PDE11A: variants seen among roughly 807,000 people sequenced by gnomAD.
PDE11A encodes dual 3',5'-cyclic-AMP and -GMP phosphodiesterase 11A.
In PDE11A, 100 loss-of-function variants were observed where a neutral mutation model predicts 100.5. The observed-to-expected ratio is 1.00, with a 90% CI of 0.85 to 1.18. The LOEUF (loss-of-function observed/expected upper bound fraction) is 1.18. Ranked by LOEUF, PDE11A falls within the 50% of genes most tolerant of loss-of-function variation. The probability of loss-of-function intolerance (pLI) is 0.00; values close to 1 mark genes in which losing one functional copy is unlikely to be tolerated. For missense variants in PDE11A, 1,141 were observed against 1,152.6 expected (o/e 0.99, Z 0.15); for synonymous variants, 381 against 420.8 (o/e 0.91, Z 1.16).
chr2:178,014,645 C>T (rs764149660), intron 1 of PDE11A, among the ~76,000 whole-genome samples, 185 bp from the exon 2 acceptor site: 10 of 152,034 alleles, frequency 6.6e-5, no homozygotes, highest in Non-Finnish European at 1.5e-4. Flanking sequence ...TAAGTCAATG[C>T]CATAGTTGTT....
intron 13 of PDE11A, among the ~76,000 whole-genome samples, chr2:177,709,422 C>T (rs765761211): frequency 2.0e-5 from 3 of 151,914 alleles, no homozygotes; most frequent in Admixed American, 6.6e-5. Context: ...GGGTGACTGG[C>T]GCATTTTTGG....
intron 5 of PDE11A, among the ~76,000 whole-genome samples, chr2:177,873,163 C>T (rs761671381): frequency 1.3e-5 from 2 of 152,100 alleles, no homozygotes; most frequent in East Asian, 3.9e-4. Context: ...GTATTTAACT[C>T]TGAAGTGACC....
chr2:177,866,073 G>A (rs1323109275), intron 5 of PDE11A, among the ~76,000 whole-genome samples: 1 of 152,154 alleles, frequency 6.6e-6, no homozygotes, highest in African/African-American at 2.4e-5. Flanking sequence ...TAATTACGCT[G>A]CCAAGTAAGA....
intron 12 of PDE11A, chr2:177,723,424 T>C (rs1345599895): frequency 6.6e-6 from 1 of 152,192 alleles, no homozygotes; most frequent in African/African-American, 2.4e-5. Context: ...TTAACTGCAA[T>C]TCCCCACCAG....
At chr2:177,943,943 G>A (rs920361026) in intron 2 of PDE11A, among the ~76,000 whole-genome samples, 1 of 152,146 alleles carries the variant, frequency 6.6e-6, no homozygotes, top group African/African-American at 2.4e-5. Flanking sequence ...TTTGCATGTC[G>A]ATGTTCAGTT....
intron 2 of PDE11A, among the ~76,000 whole-genome samples, chr2:177,910,998 A>G (rs1345933595): frequency 1.3e-5 from 2 of 152,158 alleles, no homozygotes; most frequent in Non-Finnish European, 2.9e-5. Flanking sequence ...GAGCCACATC[A>G]CTGTCAGCTA....
chr2:177,637,540 T>C (rs1159131012), intron 19 of PDE11A, among the ~76,000 whole-genome samples: 4 of 151,848 alleles, frequency 2.6e-5, no homozygotes, highest in Non-Finnish European at 4.4e-5. Context: ...TTGTCTTTTT[T>C]CCCCCTTCTG....
intron 5 of PDE11A, among the ~76,000 whole-genome samples, chr2:177,871,240 G>A (rs906581637): frequency 5.3e-5 from 8 of 151,992 alleles, no homozygotes; most frequent in Admixed American, 4.6e-4. Context: ...GGGTACACTC[G>A]GGGTTGTTTA....
intron 2 of PDE11A, among the ~76,000 whole-genome samples, chr2:177,942,746 A>G (rs900321741): frequency 6.6e-6 from 1 of 152,216 alleles, no homozygotes; most frequent in African/African-American, 2.4e-5. Flanking sequence ...CATAAAATTT[A>G]CCATCTTAAC....
At chr2:178,076,181 T>C (rs1389995485), upstream of PDE11A, among the ~76,000 whole-genome samples, 2 of 152,304 alleles carry the variant, frequency 1.3e-5, no homozygotes, top group African/African-American at 4.8e-5. Flanking sequence ...CTCTGCAGGC[T>C]CCTTCTCCAT....
chr2:177,816,611 A>G (rs1398929453), intron 9 of PDE11A, among the ~76,000 whole-genome samples: 1 of 152,214 alleles, frequency 6.6e-6, no homozygotes, highest in Admixed American at 6.5e-5. Flanking sequence ...TAAACATAGG[A>G]CTTATATGAA....
At chr2:177,947,000 C>T (rs1287770376) in intron 2 of PDE11A, among the ~76,000 whole-genome samples, 4 of 121,582 alleles carry the variant, frequency 3.3e-5, no homozygotes, top group South Asian at 3.0e-4. Flanking sequence ...CCGCCCCGTC[C>T]GGGAAGGAGG....
At chr2:177,785,369 G>T (rs2082517280) in intron 9 of PDE11A, among the ~76,000 whole-genome samples, 1 of 141,894 alleles carries the variant, frequency 7.0e-6, no homozygotes. Context: ...AGCAAGTTAT[G>T]TTAGAATAGC....
intron 19 of PDE11A, among the ~76,000 whole-genome samples, chr2:177,638,533 T>C (rs946681927): frequency 2.2e-4 from 34 of 152,388 alleles, no homozygotes; most frequent in Middle Eastern, 3.4e-3. Flanking sequence ...TTTTTGCTTC[T>C]TTGCATGCTT....
chr2:177,818,875 C>T (rs575862825), intron 7 of PDE11A, among the ~76,000 whole-genome samples: 126 of 151,960 alleles, frequency 8.3e-4, no homozygotes, highest in African/African-American at 2.9e-3. Flanking sequence ...AAAAAACCAG[C>T]TGTAATTCTA....
intron 9 of PDE11A, among the ~76,000 whole-genome samples, chr2:177,803,863 G>T (rs537327660): frequency 6.6e-6 from 1 of 152,020 alleles, no homozygotes; most frequent in South Asian, 2.1e-4. Flanking sequence ...ATGGAGAAAA[G>T]TTGAAAGCAT....
intron 19 of PDE11A, among the ~76,000 whole-genome samples, chr2:177,647,057 C>G (rs1157461011): frequency 1.3e-5 from 2 of 152,164 alleles, no homozygotes; most frequent in Non-Finnish European, 2.9e-5. Flanking sequence ...GAAGCCACAG[C>G]CTTTGATGAA....
chr2:177,736,073 T>C (rs6433693), intron 10 of PDE11A, among the ~76,000 whole-genome samples: 104,553 of 152,128 alleles, frequency 0.69, 38,248 homozygotes, highest in East Asian at 0.86. Context: ...AAGCAACCCT[T>C]TGTGTCCTCC....
At chr2:177,698,906 C>T (rs568653243) in intron 14 of PDE11A, among the ~76,000 whole-genome samples, 1 of 152,246 alleles carries the variant, frequency 6.6e-6, no homozygotes, top group African/African-American at 2.4e-5. Context: ...TGGTAGGAAG[C>T]TATGGAAAAG....
Sources: allele counts gnomAD v4.1 joint callset (sites outside exome capture counted in the v4.1 genomes callset), GRCh38; gene constraint gnomAD v4.1.1; transcripts MANE v1.5; gene names NCBI Gene and HGNC (gene_info 2026-07-23, HGNC 2026-07-21).